ZNF600: variants seen among roughly 807,000 people sequenced by gnomAD.
The protein encoded by ZNF600 is zinc finger protein KR-ZNF1.
In ZNF600, 4 loss-of-function variants were observed where a neutral mutation model predicts 7.3. The ratio of observed to expected loss-of-function variants is 0.55; its 90% CI spans 0.27 to 1.25. The LOEUF (loss-of-function observed/expected upper bound fraction) is 1.25, where lower values mean the gene tolerates loss of function less well. Among genes scored for constraint, ZNF600 ranks in the 50% most tolerant of loss-of-function variants. The pLI, the probability that ZNF600 is intolerant of heterozygous loss-of-function variation, is 0.12. For synonymous variants in ZNF600, 290 were observed against 308.9 expected, an observed-to-expected ratio of 0.94 and a Z score of 0.64; for missense variants, 911 against 922.1, an observed-to-expected ratio of 0.99 and a Z score of 0.16.
At chr19:52,810,136 G>A in the ZNF600 span, 59 of 881,740 alleles carry the variant, frequency 6.7e-5, no homozygotes, top group Admixed American at 1.1e-4. Context: ...CTGGTCGAGG[G>A]TGACCCGGGG....
the ZNF600 span, among the ~76,000 whole-genome samples, chr19:52,795,843 G>C: frequency 5.3e-5 from 8 of 151,500 alleles, no homozygotes; most frequent in African/African-American, 1.9e-4. Flanking sequence ...TGGGATTACA[G>C]GTGTGAGCCA....
At chr19:52,820,536 C>T in the ZNF600 span, among the ~76,000 whole-genome samples, 1 of 152,038 alleles carries the variant, frequency 6.6e-6, no homozygotes, top group Non-Finnish European at 1.5e-5. Flanking sequence ...TCTGTTATAA[C>T]CCCCTGGACC....
Position 52,767,325 on chromosome 19 carries a change from G to A in ZNF600, c.638C>T (p.Pro213Leu), listed in dbSNP as rs746951893. 51 of 1,613,910 alleles carry A rather than the reference G, an allele frequency of 3.2e-5. No individual in the cohort carries two copies. Among genetic ancestry groups the A allele is most frequent in the African/African-American group, 9.3e-5 (7 of 74,884 alleles). Residue 213 changes from proline to leucine, a missense_variant, in exon 4 of 4, where the codon CCG (proline) becomes CTG (leucine). By Grantham distance (98) the Pro-to-Leu change is moderately conservative. Coordinates refer to ENST00000648973, the Ensembl canonical transcript of ZNF600. The stretch of plus-strand genomic sequence containing the variant: ...TTTTTGTGGGAGTAGTGAAGAATTC[G>A]GGGAATTATTCCCATAGTTATTAGA...
At chr19:52,832,552 A>G in the ZNF600 span, among the ~76,000 whole-genome samples, 6,045 of 151,362 alleles carry the variant, frequency 0.04, 160 homozygotes, top group Non-Finnish European at 0.051. Flanking sequence ...CTGAGATCCC[A>G]TCACTGCACT....
At chr19:52,827,474 G>C in the ZNF600 span, among the ~76,000 whole-genome samples, 1 of 152,042 alleles carries the variant, frequency 6.6e-6, no homozygotes, top group South Asian at 2.1e-4. Flanking sequence ...TGACACCATG[G>C]GGCCCATACC....
intron 1 of ZNF600, among the ~76,000 whole-genome samples, chr19:52,785,542 C>T (rs2062756588): frequency 6.6e-6 from 1 of 152,174 alleles, no homozygotes; most frequent in Non-Finnish European, 1.5e-5. Flanking sequence ...ACCCACAGCG[C>T]CCGGTCCTTA....
chr19:52,772,481 T>C (rs899352422), intron 3 of ZNF600, among the ~76,000 whole-genome samples: 2 of 152,106 alleles, frequency 1.3e-5, no homozygotes, highest in Non-Finnish European at 2.9e-5. Flanking sequence ...TGCATGCCTG[T>C]AATCCCAGCT....
chr19:52,775,352 C>A (rs2062665795), intron 2 of ZNF600, among the ~76,000 whole-genome samples: 1 of 152,008 alleles, frequency 6.6e-6, no homozygotes, highest in South Asian at 2.1e-4. Context: ...GAGATTGAGA[C>A]CATCCTGGTC....
chr19:52,771,452 TAC>T (rs2062629561), intron 3 of ZNF600, among the ~76,000 whole-genome samples: 1 of 151,890 alleles, frequency 6.6e-6, no homozygotes, highest in Non-Finnish European at 1.5e-5. Context: ...TAGCTGGCAC[TAC>T]AGATACATGC....
the ZNF600 span, among the ~76,000 whole-genome samples, chr19:52,802,716 C>G: frequency 1.3e-5 from 2 of 150,970 alleles, no homozygotes; most frequent in African/African-American, 2.4e-5. Flanking sequence ...TTCCAAATAA[C>G]TGTTACAAAA....
At chr19:52,769,354 G>A (rs2062614467) in intron 3 of ZNF600, among the ~76,000 whole-genome samples, 1 of 152,184 alleles carries the variant, frequency 6.6e-6, no homozygotes, top group Non-Finnish European at 1.5e-5. Context: ...CTGCCTTCTA[G>A]ATAACAGTAG....
the ZNF600 span, among the ~76,000 whole-genome samples, chr19:52,812,315 G>A: frequency 7.1e-6 from 1 of 141,820 alleles, no homozygotes; most frequent in Admixed American, 6.9e-5. Flanking sequence ...CGGTTTTGTG[G>A]AATAGAAAGG....
the ZNF600 span, chr19:52,809,945 G>C: frequency 1.2e-5 from 10 of 830,684 alleles, no homozygotes; most frequent in Admixed American, 2.0e-5. Flanking sequence ...AGGTTGCCCC[G>C]GGGGGCGCAG....
At chr19:52,784,367 T>C (rs2062747747) in intron 1 of ZNF600, among the ~76,000 whole-genome samples, 1 of 152,142 alleles carries the variant, frequency 6.6e-6, no homozygotes, top group Non-Finnish European at 1.5e-5. Flanking sequence ...GAGAACGCTA[T>C]TGTAATCCAG....
At chr19:52,813,809 G>C in the ZNF600 span, among the ~76,000 whole-genome samples, 1 of 146,420 alleles carries the variant, frequency 6.8e-6, no homozygotes, top group Non-Finnish European at 1.5e-5. Flanking sequence ...CCTTGTTTTG[G>C]GGGGTTTAGA....
the ZNF600 span, among the ~76,000 whole-genome samples, chr19:52,824,814 A>C: frequency 3.4e-3 from 512 of 152,284 alleles, 3 homozygotes; most frequent in African/African-American, 0.012. Flanking sequence ...CCAGATATAC[A>C]AAGAGATAAC....
the ZNF600 span, among the ~76,000 whole-genome samples, chr19:52,809,486 G>C: frequency 6.6e-6 from 1 of 152,188 alleles, no homozygotes; most frequent in African/African-American, 2.4e-5. Context: ...GAGGGTGGAG[G>C]GTGGGAGGAA....
rs750434571 is a variant in ZNF600 at position 52,767,042 on chromosome 19, T to C, written c.921A>G (p.Arg307=). Residue 307 remains arginine, a synonymous_variant, in exon 4 of 4, where the codon AGA becomes AGG. Transcript: ENST00000648973. ...TGTGAGATTTTACTGCAGTGTGAAG[T>C]CTACGATGGCATGTAAGGGATGATA... is the stretch of plus-strand genomic sequence containing the variant. 8 of 1,614,042 alleles carry C rather than the reference T, an allele frequency of 5.0e-6. No individual in the cohort carries two copies. The African/African-American group carries it at 9.3e-5, about 19-fold the overall frequency.
chr19:52,807,766 C>T, the ZNF600 span: 23 of 687,448 alleles, frequency 3.3e-5, no homozygotes, highest in Admixed American at 2.3e-4. Context: ...TGAGCCACCA[C>T]GACCAGGCTG....
Sources: gnomAD v4.1 joint callset for allele counts (sites outside exome capture counted in the v4.1 genomes callset) on GRCh38, gnomAD v4.1.1 for gene constraint, MANE v1.5 for transcripts, NCBI Gene and HGNC (gene_info 2026-07-23, HGNC 2026-07-21) for gene names.